The following PTPRT variants were observed in gnomAD, a reference collection of about 807,000 sequenced individuals.
PTPRT encodes receptor-type tyrosine-protein phosphatase T.
In PTPRT, 56 loss-of-function variants were observed where a neutral mutation model predicts 176.8. That is an observed-to-expected ratio of 0.32 (90% CI 0.26 to 0.40). The LOEUF (loss-of-function observed/expected upper bound fraction) is 0.40, where lower values mean the gene tolerates loss of function less well. PTPRT is among the 10% of genes least tolerant of loss of function. PTPRT has a pLI of 1.00. For synonymous variants in PTPRT, 783 were observed against 739.0 expected, an observed-to-expected ratio of 1.06 and a Z score of -0.96; for missense variants, 1,540 against 1,908.2, an observed-to-expected ratio of 0.81 and a Z score of 3.60.
chr20:42,292,372 G>T (rs2057330546), intron 12 of PTPRT, among the ~76,000 whole-genome samples: 1 of 149,192 alleles, frequency 6.7e-6, no homozygotes, highest in Non-Finnish European at 1.5e-5. Flanking sequence ...TGCTCTTTTT[G>T]CCCAGGCTGG....
chr20:42,182,859 G>T (rs1883454168), intron 16 of PTPRT, among the ~76,000 whole-genome samples: 1 of 151,920 alleles, frequency 6.6e-6, no homozygotes, highest in African/African-American at 2.4e-5. Flanking sequence ...ATTACAGAGA[G>T]TTGGCCATAC....
intron 7 of PTPRT, among the ~76,000 whole-genome samples, chr20:42,490,599 G>T (rs1408366300): frequency 4.6e-5 from 7 of 151,936 alleles, no homozygotes; most frequent in Non-Finnish European, 8.8e-5. Context: ...CACAATTTTT[G>T]ATTGCAATTG....
At chr20:42,059,914 T>C in the PTPRT span, among the ~76,000 whole-genome samples, 1 of 152,198 alleles carries the variant, frequency 6.6e-6, no homozygotes, top group African/African-American at 2.4e-5. Flanking sequence ...ATGGAGACTT[T>C]GGTTTTCCCA....
chr20:42,371,805 G>C (rs937429311), intron 9 of PTPRT, among the ~76,000 whole-genome samples: 2 of 152,254 alleles, frequency 1.3e-5, no homozygotes, highest in African/African-American at 2.4e-5. Context: ...TTTCATCAAG[G>C]GGGCATTATC....
chr20:43,138,818 C>T (rs1267588264), intron 1 of PTPRT, among the ~76,000 whole-genome samples: 1 of 152,206 alleles, frequency 6.6e-6, no homozygotes, highest in Non-Finnish European at 1.5e-5. Context: ...CCTGTTCCCA[C>T]ATCAAATGAT....
intron 1 of PTPRT, among the ~76,000 whole-genome samples, chr20:42,993,523 T>C (rs376408207): frequency 2.2e-5 from 2 of 89,206 alleles, no homozygotes; most frequent in Non-Finnish European, 5.0e-5. Context: ...TGTGTATATA[T>C]ATACACATAT....
chr20:42,567,745 T>C (rs1288335301), intron 7 of PTPRT, among the ~76,000 whole-genome samples: 2 of 152,204 alleles, frequency 1.3e-5, no homozygotes, highest in Admixed American at 6.5e-5. Context: ...ATGTAGGGGA[T>C]GATTAATCAG....
rs75355850 is a variant in PTPRT at position 42,215,241 on chromosome 20, T to C, written c.2343-15853A>G. ...TGTTCTTGGTGTTGCAGAAATACCA[T>C]GGGCTCTGGCCCTGGACTGACTTGG... On this transcript the variant is annotated intron_variant, in intron 15 of 30. Coordinates refer to ENST00000373187, the MANE Select transcript of PTPRT (RefSeq NM_007050.6). Among the ~76,000 whole-genome samples the C allele has an allele frequency of 3.3e-3, 506 of 152,284 alleles. 3 individuals are homozygous for C. The highest frequency in any genetic ancestry group is 0.01 in the Middle Eastern group (3 of 294).
rs914502223 is a variant in PTPRT at position 43,159,267 on chromosome 20, T to A, written c.88+30379A>T. Reference sequence around the variant, plus strand: ...CTCCCACCAACCATGCCATGAGAGCTGGGGGTGGATACTACTTTCTAGCTT... The same window carrying A: ...CTCCCACCAACCATGCCATGAGAGCAGGGGGTGGATACTACTTTCTAGCTT... On this transcript the variant is annotated intron_variant, in intron 1 of 30. Coordinates refer to ENST00000373187, the MANE Select transcript of PTPRT (RefSeq NM_007050.6). Among the ~76,000 whole-genome samples the A allele has an allele frequency of 2.0e-5, 3 of 152,248 alleles. No individual in the cohort carries two copies. The East Asian group carries it at 5.8e-4, about 29-fold the overall frequency.
At chr20:42,336,244 G>C (rs1439147441) in intron 11 of PTPRT, among the ~76,000 whole-genome samples, 1 of 152,092 alleles carries the variant, frequency 6.6e-6, no homozygotes, top group Non-Finnish European at 1.5e-5. Flanking sequence ...TAACTACATT[G>C]GAAAGAAGGA....
chr20:42,342,497 A>G (rs1039891323), intron 11 of PTPRT, among the ~76,000 whole-genome samples: 2 of 152,228 alleles, frequency 1.3e-5, no homozygotes, highest in African/African-American at 4.8e-5. Context: ...GGTGGCCCAG[A>G]GAACTGGGGA....
chr20:42,836,408 C>T (rs1397854), intron 2 of PTPRT, among the ~76,000 whole-genome samples: 18,084 of 152,192 alleles, frequency 0.12, 1,395 homozygotes, highest in Non-Finnish European at 0.17. Flanking sequence ...TAAATGGCAA[C>T]CCTTGGACAT....
At chr20:42,281,195 A>G (rs961492195) in intron 13 of PTPRT, among the ~76,000 whole-genome samples, 1 of 152,080 alleles carries the variant, frequency 6.6e-6, no homozygotes, top group Non-Finnish European at 1.5e-5. Context: ...AAGTCTGCCA[A>G]TATCTGTGAT....
chr20:42,419,989 C>T (rs1011482557), intron 9 of PTPRT, among the ~76,000 whole-genome samples: 4 of 152,158 alleles, frequency 2.6e-5, no homozygotes, highest in African/African-American at 7.2e-5. Flanking sequence ...GAAAAAGCCA[C>T]GGCACAGGTT....
chr20:42,814,253 T>A (rs2077744179), intron 2 of PTPRT, among the ~76,000 whole-genome samples: 1 of 152,210 alleles, frequency 6.6e-6, no homozygotes, highest in African/African-American at 2.4e-5. Flanking sequence ...TGGTGAATTT[T>A]ATTTATTTTT....
At chr20:42,195,146 A>G (rs1051286154) in intron 16 of PTPRT, among the ~76,000 whole-genome samples, 5 of 152,238 alleles carry the variant, frequency 3.3e-5, no homozygotes, top group African/African-American at 1.2e-4. Context: ...CCTAAAACTT[A>G]AAGCATAATA....
chr20:42,579,438 T>C (rs1417493165), intron 7 of PTPRT, among the ~76,000 whole-genome samples: 3 of 152,228 alleles, frequency 2.0e-5, no homozygotes, highest in Admixed American at 1.3e-4. Flanking sequence ...ATGGCATGGC[T>C]GGGTCAAATG....
chr20:42,387,507 T>C (rs1337064339), intron 9 of PTPRT, among the ~76,000 whole-genome samples: 2 of 152,180 alleles, frequency 1.3e-5, no homozygotes, highest in African/African-American at 4.8e-5. Flanking sequence ...CATGGTCTTT[T>C]TGTTGTTGTT....
intron 1 of PTPRT, among the ~76,000 whole-genome samples, chr20:42,886,568 G>A (rs1443344879): frequency 2.6e-5 from 4 of 152,104 alleles, no homozygotes; most frequent in African/African-American, 9.7e-5. Flanking sequence ...GAATCGAATT[G>A]GTAAGAAATT....
Sources: allele counts gnomAD v4.1 joint callset (sites outside exome capture counted in the v4.1 genomes callset), GRCh38; gene constraint gnomAD v4.1.1; transcripts MANE v1.5; gene names NCBI Gene and HGNC (gene_info 2026-07-23, HGNC 2026-07-21).